RPS6KC1: variants seen among roughly 807,000 people sequenced by gnomAD.
The protein encoded by RPS6KC1 is ribosomal protein S6 kinase C1.
RPS6KC1 carries 54 observed loss-of-function variants against 103.8 expected under a neutral mutation model. The ratio of observed to expected loss-of-function variants is 0.52; its 90% CI spans 0.42 to 0.65. The LOEUF (loss-of-function observed/expected upper bound fraction) is 0.65. Ranked by LOEUF, RPS6KC1 falls within the 30% of genes least tolerant of loss-of-function variation. The pLI is 0.00. For synonymous variants in RPS6KC1, 439 were observed against 438.7 expected (o/e 1.00, Z -0.01); for missense variants, 1,151 against 1,253.8 (o/e 0.92, Z 1.24).
At chr1:213,549,141 T>C in the RPS6KC1 span, among the ~76,000 whole-genome samples, 1 of 152,138 alleles carries the variant, frequency 6.6e-6, no homozygotes, top group South Asian at 2.1e-4. Context: ...AGTTTATGAT[T>C]ATCCCTCTTT....
At chr1:213,205,547 G>GATATATATATATAGATATATAT (rs1553378466) in intron 8 of RPS6KC1, among the ~76,000 whole-genome samples, 3 of 102,478 alleles carry the variant, frequency 2.9e-5, no homozygotes, top group African/African-American at 1.1e-4. Context: ...TATATATATA[G>GATATATATATATAGATATATAT]ATATATATAT....
chr1:213,167,381 G>T (rs1397324815), intron 6 of RPS6KC1, among the ~76,000 whole-genome samples: 2 of 150,006 alleles, frequency 1.3e-5, no homozygotes, highest in African/African-American at 4.9e-5. Flanking sequence ...CTTCAGTTCA[G>T]CAAACCAGGA....
chr1:213,715,207 G>T, the RPS6KC1 span, among the ~76,000 whole-genome samples: 8 of 152,182 alleles, frequency 5.3e-5, no homozygotes, highest in Non-Finnish European at 8.8e-5. Flanking sequence ...CACAAAAGTG[G>T]CTATACATGT....
At chr1:213,828,815 G>C in the RPS6KC1 span, among the ~76,000 whole-genome samples, 1 of 152,164 alleles carries the variant, frequency 6.6e-6, no homozygotes, top group Non-Finnish European at 1.5e-5. Flanking sequence ...CAGTGGATGG[G>C]TTATTTGGTA....
At chr1:213,723,287 G>A in the RPS6KC1 span, among the ~76,000 whole-genome samples, 1 of 152,346 alleles carries the variant, frequency 6.6e-6, no homozygotes, top group East Asian at 1.9e-4. Flanking sequence ...ATCTTGCTCA[G>A]TGACTGTATT....
At chr1:213,235,572 A>G (rs2094203530) in intron 10 of RPS6KC1, among the ~76,000 whole-genome samples, 1 of 152,052 alleles carries the variant, frequency 6.6e-6, no homozygotes, top group African/African-American at 2.4e-5. Flanking sequence ...ATATGTAAGG[A>G]AAGGATGTCT....
the RPS6KC1 span, among the ~76,000 whole-genome samples, chr1:213,603,140 A>G: frequency 6.6e-6 from 1 of 152,208 alleles, no homozygotes. Flanking sequence ...ATTTTTTCCT[A>G]CTTTGTAAAT....
chr1:213,117,283 T>C, intron 4 of RPS6KC1, 34 bp from the exon 5 acceptor site: 3 of 1,261,514 alleles, frequency 2.4e-6, no homozygotes, highest in Non-Finnish European at 3.4e-6. Flanking sequence ...ATGCTCTTAA[T>C]GCTAATGAAA....
At chr1:213,458,108 A>T in the RPS6KC1 span, among the ~76,000 whole-genome samples, 1 of 152,162 alleles carries the variant, frequency 6.6e-6, no homozygotes, top group Admixed American at 6.5e-5. Context: ...CCAGGTAGTG[A>T]GCATAGTACT....
the RPS6KC1 span, among the ~76,000 whole-genome samples, chr1:213,757,512 G>A: frequency 1.3e-5 from 2 of 152,298 alleles, no homozygotes; most frequent in East Asian, 3.9e-4. Context: ...GTGAGGAAAT[G>A]GCAAAGAAAA....
chr1:213,402,667 GC>G, the RPS6KC1 span, among the ~76,000 whole-genome samples: 1 of 152,060 alleles, frequency 6.6e-6, no homozygotes, highest in African/African-American at 2.4e-5. Context: ...CTGGTGTATG[GC>G]AAATACGTAT....
Position 213,178,829 on chromosome 1 carries a change from C to G in RPS6KC1, c.1044+2337C>G, listed in dbSNP as rs144803410. ...TCGTGGGTTCAAACAATTCTTCTGT[C>G]TCAGCCTCCTGAGTAGCTGGGATTT... On this transcript the variant is annotated intron_variant, in intron 8 of 14. Coordinates refer to ENST00000366960, the MANE Select transcript of RPS6KC1 (RefSeq NM_012424.6). 3.3e-5 allele frequency among the ~76,000 whole-genome samples: 5 copies of G among 152,124 alleles called. No homozygotes were observed. In the Middle Eastern group the frequency reaches 0.01, roughly 310 times the overall value.
intron 6 of RPS6KC1, among the ~76,000 whole-genome samples, chr1:213,139,263 T>G (rs1464305258): frequency 6.6e-6 from 1 of 152,122 alleles, no homozygotes; most frequent in African/African-American, 2.4e-5. Context: ...GTCAGATACA[T>G]AGTTTGCAAA....
At chr1:213,522,914 T>C in the RPS6KC1 span, among the ~76,000 whole-genome samples, 1 of 152,244 alleles carries the variant, frequency 6.6e-6, no homozygotes, top group African/African-American at 2.4e-5. Flanking sequence ...GGAATGGCAC[T>C]TTTAATTTCC....
At chr1:213,091,064 G>GT (rs879345095) in intron 3 of RPS6KC1, among the ~76,000 whole-genome samples, 58 of 146,084 alleles carry the variant, frequency 4.0e-4, no homozygotes, top group East Asian at 6.0e-4. Context: ...AGGGAGGAGT[G>GT]TTTTTTTTTT....
chr1:213,681,276 A>C, the RPS6KC1 span, among the ~76,000 whole-genome samples: 1 of 152,290 alleles, frequency 6.6e-6, no homozygotes, highest in Non-Finnish European at 1.5e-5. Flanking sequence ...GCTGGGTGTG[A>C]AGATGGAGGG....
chr1:213,840,582 G>A, the RPS6KC1 span: 4 of 152,286 alleles, frequency 2.6e-5, no homozygotes, highest in African/African-American at 7.2e-5. Context: ...AAGGCTGAGA[G>A]AAGGCAGGAT....
the RPS6KC1 span, among the ~76,000 whole-genome samples, chr1:213,721,528 A>G: frequency 1.3e-5 from 2 of 152,172 alleles, no homozygotes; most frequent in South Asian, 4.1e-4. Flanking sequence ...CTCCCCAGTA[A>G]TGTGGAACTG....
the RPS6KC1 span, among the ~76,000 whole-genome samples, chr1:213,582,303 ATGTG>A: frequency 6.6e-6 from 1 of 152,070 alleles, no homozygotes; most frequent in African/African-American, 2.4e-5. Flanking sequence ...TATCTGTAAA[ATGTG>A]TGAGCACTTA....
Sources: gnomAD v4.1 joint callset for allele counts (sites outside exome capture counted in the v4.1 genomes callset) on GRCh38, gnomAD v4.1.1 for gene constraint, MANE v1.5 for transcripts, NCBI Gene and HGNC (gene_info 2026-07-23, HGNC 2026-07-21) for gene names.